The following CFB variants were observed in gnomAD, a reference collection of about 807,000 sequenced individuals.
CFB encodes the protein B-factor, properdin.
Under a neutral mutation model 97.2 loss-of-function variants are expected in CFB, and 59 were observed. That is an observed-to-expected ratio of 0.61 (90% CI 0.49 to 0.75). The LOEUF is 0.75. Ranked by LOEUF, CFB falls within the 30% of genes least tolerant of loss-of-function variation. The pLI is 0.00. For missense variants in CFB, 771 were observed against 959.8 expected, an observed-to-expected ratio of 0.80 and a Z score of 2.60; for synonymous variants, 316 against 351.7, an observed-to-expected ratio of 0.90 and a Z score of 1.14.
chr6:31,950,750 C>A lies in CFB; in HGVS notation c.1756C>A (p.Leu586Met), dbSNP rs1562632366. 1.2e-6 allele frequency: 2 copies of A among 1,612,928 alleles called. No homozygotes were observed. Among genetic ancestry groups the A allele is most frequent in the South Asian group, 1.1e-5 (1 of 91,088 alleles). Residue 586 changes from leucine to methionine, a missense_variant, in exon 13 of 18, where the codon CTG becomes ATG. Coordinates refer to ENST00000425368, the MANE Select transcript of CFB (RefSeq NM_001710.6). ...TGCCCTGATCAAGCTCAAGAATAAG[C>A]TGAAATATGGCCAGACTATCAGGTG... ...DVALIKLKNK[L>M]KYGQTIRPIC...
rs745479913 is a variant in CFB at position 31,946,456 on chromosome 6, C to T, written c.148C>T (p.Arg50Ter). The change falls in exon 2 of 18, where the codon CGA (arginine) becomes TGA (stop). Residue 50 changes from arginine to a stop codon, truncating the protein, a stop_gained. Coordinates refer to ENST00000425368, the MANE Select transcript of CFB (RefSeq NM_001710.6). LOFTEE classifies it high-confidence loss of function. The surrounding 1 kb of genome is among the most constrained non-coding windows in gnomAD (Gnocchi z 6.4). ...GGTAGAGATCAAAGGCGGCTCCTTC[C>T]GACTTCTCCAAGAGGGCCAGGCACT... ...EGVEIKGGSF[R>*]LLQEGQALEY... 12 of 1,612,918 alleles carry T rather than the reference C, an allele frequency of 7.4e-6. No homozygotes were observed. The highest frequency in any genetic ancestry group is 1.6e-4 in the Middle Eastern group (1 of 6,084).
intron 7 of CFB, 21 bp from the exon 8 acceptor site, chr6:31,948,809 T>C: frequency 6.2e-7 from 1 of 1,613,006 alleles, no homozygotes; most frequent in Non-Finnish European, 8.5e-7. Context: ...GGTGAGGTGA[T>C]GGTCTCTTCC....
chr6:31,949,290 C>T lies in CFB; in HGVS notation c.1216C>T (p.Arg406Trp), dbSNP rs768046041. 17 of 1,614,016 alleles carry T rather than the reference C, an allele frequency of 1.1e-5. No homozygotes were observed. The African/African-American group carries it at 1.1e-4, about 10-fold the overall frequency. Residue 406 changes from arginine (R) to tryptophan (W), a missense_variant, in exon 9 of 18, where the codon CGG becomes TGG. Transcript: ENST00000425368. ...CCCAATTACTGTCATTGATGAGATC[C>T]GGGACTTGCTATACATTGGCAAGGA... is the stretch of plus-strand genomic sequence containing the variant. The part of the protein sequence containing the change: ...GDPITVIDEI[R>W]DLLYIGKDRK...
Position 31,946,767 on chromosome 6 carries a change from G to A in CFB, c.298+161G>A. 1.2e-6 allele frequency: 1 copy of A among 819,644 alleles called. No individual in the cohort carries two copies. Among genetic ancestry groups the A allele is most frequent in the East Asian group, 2.6e-5 (1 of 37,788 alleles). The allele number at this position is 819,644 out of a possible 1,614,324, so 50.8% of individuals were successfully genotyped here. A position where few individuals can be genotyped will look rare whatever the true frequency, so the allele number is the denominator to read the frequency against. On this transcript the variant is annotated intron_variant, in intron 2 of 17. Transcript: ENST00000425368. The surrounding 1 kb of genome is among the most constrained non-coding windows in gnomAD (Gnocchi z 6.4). ...CGGAAAGGGGGCAAGAAAAAGCGGA[G>A]TTAACCCTTACTAAGCATTTACCCT...
chr6:31,947,902 G>C lies in CFB; in HGVS notation c.761-43G>C. 1 of 1,614,192 alleles carries C rather than the reference G, an allele frequency of 6.2e-7. No individual in the cohort carries two copies. The highest frequency in any genetic ancestry group is 8.5e-7 in the Non-Finnish European group (1 of 1,180,044). ...ACTGGGGGAAAATGGAGAAGGGACA[G>C]AACTGTTAATGCTGGAGCCTGAGCC... On this transcript the variant is annotated intron_variant, in intron 5 of 17. Coordinates refer to ENST00000425368, the MANE Select transcript of CFB (RefSeq NM_001710.6). The surrounding 1 kb of genome is among the most constrained non-coding windows in gnomAD (Gnocchi z 5.3).
intron 12 of CFB, 77 bp downstream of exon 12, chr6:31,950,480 C>T: frequency 2.6e-6 from 4 of 1,558,908 alleles, no homozygotes; most frequent in Non-Finnish European, 3.5e-6. Flanking sequence ...AGATCCTACA[C>T]TCCACCCATC....
rs763514835 is a variant in CFB, at chr6:31,950,683, G to A, written c.1689G>A (p.Gly563=). ...TTCACCCCAACTACAACATTAATGG[G>A]AAAAAAGAAGCAGGAATTCCTGAAT... ...VLFHPNYNIN[G]KKEAGIPEFY... Residue 563 remains glycine (G), a synonymous_variant, in exon 13 of 18, where the codon GGG becomes GGA. Coordinates refer to ENST00000425368, the MANE Select transcript of CFB (RefSeq NM_001710.6). 1 of 1,612,994 alleles carries A rather than the reference G, an allele frequency of 6.2e-7. No homozygotes were observed.
In CFB at chr6:31,947,972, T is replaced by G; in HGVS notation, c.788T>G (p.Leu263Arg). 1 of 1,614,226 alleles carries G rather than the reference T, an allele frequency of 6.2e-7. No homozygotes were observed. ...GAACAACAGAAGCGGAAGATCGTCC[T>G]GGACCCTTCAGGCTCCATGAACATC... ...PGEQQKRKIV[L>R]DPSGSMNIYL... Residue 263 changes from leucine (L) to arginine (R), a missense_variant, in exon 6 of 18, where the codon CTG becomes CGG. Transcript: ENST00000425368. The surrounding 1 kb of genome is among the most constrained non-coding windows in gnomAD (Gnocchi z 5.3).
In CFB at chr6:31,948,936, C is replaced by T. The variant is rs150920440; in HGVS notation, c.1143C>T (p.Arg381=). Residue 381 remains arginine (R), a synonymous_variant, in exon 8 of 18, where the codon CGC becomes CGT. Coordinates refer to ENST00000425368, the MANE Select transcript of CFB (RefSeq NM_001710.6). The part of the protein sequence containing the change: ...DVPPEGWNRT[R]HVIILMTDGL... ...CTCCTGAAGGCTGGAACCGCACCCG[C>T]CATGTCATCATCCTCATGACTGATG... 1.9e-3 allele frequency: 3,025 copies of T among 1,612,996 alleles called. 14 individuals are homozygous for T. Among genetic ancestry groups the T allele is most frequent in the Middle Eastern group, 0.016 (97 of 6,054 alleles).
Position 31,952,012 on chromosome 6 carries a change from G to A in CFB, c.2277G>A (p.Glu759=). ...GGCTGAAGGAGAAACTCCAAGATGA[G>A]GATTTGGGTTTTCTATAAGGGGTTT... ...LPWLKEKLQD[E]DLGFL Residue 759 remains glutamate (E), a synonymous_variant, in exon 18 of 18, where the codon GAG becomes GAA. Coordinates refer to ENST00000425368, the MANE Select transcript of CFB (RefSeq NM_001710.6). The A allele has an allele frequency of 6.2e-7, 1 of 1,612,982 alleles. No homozygotes were observed. The highest frequency in any genetic ancestry group is 8.5e-7 in the Non-Finnish European group (1 of 1,180,038).
At chr6:31,948,630 C>G in intron 7 of CFB, 118 bp downstream of exon 7, 1 of 1,538,090 alleles carries the variant, frequency 6.5e-7, no homozygotes. Context: ...AAAAGTTGAA[C>G]AGCAGGATCG....
intron 10 of CFB, chr6:31,949,795 C>G: frequency 1.4e-6 from 1 of 693,064 alleles, no homozygotes; most frequent in South Asian, 1.9e-5. Flanking sequence ...AAACAGAAGC[C>G]AAAGGAGGTC....
Position 31,950,142 on chromosome 6 carries a change from G to C in CFB, c.1501G>C (p.Val501Leu). The change falls in exon 11 of 18, where the codon GTC (valine) becomes CTC (leucine). Residue 501 changes from valine to leucine, a missense_variant. Coordinates refer to ENST00000425368, the MANE Select transcript of CFB (RefSeq NM_001710.6). ...GCAACCATGGCAGGCCAAGATCTCAGTCATTGTAAGCACAGAATCCCAGTA... is the reference window on the plus strand; with the variant it reads ...GCAACCATGGCAGGCCAAGATCTCACTCATTGTAAGCACAGAATCCCAGTA... ...HKQPWQAKIS[V>L]IRPSKGHESC... 6.2e-7 allele frequency: 1 copy of C among 1,613,032 alleles called. No homozygotes were observed. The highest frequency in any genetic ancestry group is 8.5e-7 in the Non-Finnish European group (1 of 1,180,012).
In CFB at chr6:31,950,924, C is replaced by T; in HGVS notation, c.1835C>T (p.Thr612Ile). Reference protein sequence around the residue: ...GTTRALRLPPTTTCQQQKEEL... With the variant: ...GTTRALRLPPITTCQQQKEEL... ...ACTCGAGCTTTGAGGCTTCCTCCAA[C>T]TACCACTTGCCAGCAACAAAGTAAG... Residue 612 changes from threonine (T) to isoleucine (I), a missense_variant, in exon 14 of 18, where the codon ACT (threonine) becomes ATT (isoleucine). Physicochemically the swap from Thr to Ile is moderately conservative, Grantham distance 89. Coordinates refer to ENST00000425368, the MANE Select transcript of CFB (RefSeq NM_001710.6). The T allele has an allele frequency of 6.2e-7, 1 of 1,613,026 alleles. No homozygotes were observed. Among genetic ancestry groups the T allele is most frequent in the Non-Finnish European group, 8.5e-7 (1 of 1,180,026 alleles).
At chr6:31,950,836 G>T in intron 13 of CFB, 32 bp from the exon 14 acceptor site, 1 of 1,612,964 alleles carries the variant, frequency 6.2e-7, no homozygotes, top group Non-Finnish European at 8.5e-7. Context: ...TGAGGAGCAG[G>T]CCTGGTTTGC....
Position 31,950,054 on chromosome 6 carries a change from A to G in CFB, c.1413A>G (p.Glu471=). 2 of 1,613,032 alleles carry G rather than the reference A, an allele frequency of 1.2e-6. No homozygotes were observed. Among genetic ancestry groups the G allele is most frequent in the Non-Finnish European group, 1.7e-6 (2 of 1,180,008 alleles). Residue 471 remains glutamate (E), a synonymous_variant, in exon 11 of 18, where the codon GAA becomes GAG. Transcript: ENST00000425368. The stretch of plus-strand genomic sequence containing the variant: ...CACATTCTCCTTCTCTGCCAGATGA[A>G]AGCCAGTCTCTGAGTCTCTGTGGCA... ...LEDVFYQMID[E]SQSLSLCGMV...
In CFB at chr6:31,948,928, C is replaced by G; in HGVS notation, c.1135C>G (p.Arg379Gly). The change falls in exon 8 of 18, where the codon CGC (arginine) becomes GGC (glycine). Residue 379 changes from arginine to glycine, a missense_variant. Coordinates refer to ENST00000425368, the MANE Select transcript of CFB (RefSeq NM_001710.6). Reference sequence around the variant, plus strand: ...TGACGTCCCTCCTGAAGGCTGGAACCGCACCCGCCATGTCATCATCCTCAT... The same window carrying G: ...TGACGTCCCTCCTGAAGGCTGGAACGGCACCCGCCATGTCATCATCCTCAT... Reference protein sequence around the residue: ...PDDVPPEGWNRTRHVIILMTD... With the variant: ...PDDVPPEGWNGTRHVIILMTD... 6.2e-7 allele frequency: 1 copy of G among 1,612,716 alleles called. No individual in the cohort carries two copies. The highest frequency in any genetic ancestry group is 8.5e-7 in the Non-Finnish European group (1 of 1,179,926).
At position 31,947,949 on chromosome 6, in the gene CFB, A is replaced by G; in HGVS notation, c.765A>G (p.Glu255=). Residue 255 remains glutamate (E), a synonymous_variant, in exon 6 of 18, where the codon GAA becomes GAG. Coordinates refer to ENST00000425368, the MANE Select transcript of CFB (RefSeq NM_001710.6). The surrounding 1 kb of genome is among the most constrained non-coding windows in gnomAD (Gnocchi z 5.3). The part of the protein sequence containing the change: ...VDAEDGHGPG[E]QQKRKIVLDP... ...AGCCACTCTCCTGGCACCCAGGGGAACAACAGAAGCGGAAGATCGTCCTGG... is the reference window on the plus strand; with the variant it reads ...AGCCACTCTCCTGGCACCCAGGGGAGCAACAGAAGCGGAAGATCGTCCTGG... 6.2e-7 allele frequency: 1 copy of G among 1,614,248 alleles called. No homozygotes were observed. Among genetic ancestry groups the G allele is most frequent in the South Asian group, 1.1e-5 (1 of 91,084 alleles).
In CFB at chr6:31,951,355, G is replaced by A; in HGVS notation, c.1971G>A (p.Glu657=). 1 of 1,614,202 alleles carries A rather than the reference G, an allele frequency of 6.2e-7. No homozygotes were observed. The highest frequency in any genetic ancestry group is 1.1e-5 in the South Asian group (1 of 91,078). ...CTCCCCTACAGAAAGGCAGCTGTGAGAGAGATGCTCAATATGCCCCAGGCT... is the reference window on the plus strand; with the variant it reads ...CTCCCCTACAGAAAGGCAGCTGTGAAAGAGATGCTCAATATGCCCCAGGCT... ...IKNGDKKGSC[E]RDAQYAPGYD... Residue 657 remains glutamate, a synonymous_variant, in exon 16 of 18, where the codon GAG becomes GAA. Transcript: ENST00000425368. This position sits in a 1 kb window ranked among gnomAD's most constrained non-coding sequence, Gnocchi z 4.3.
Sources: allele counts gnomAD v4.1 joint callset, GRCh38; gene constraint gnomAD v4.1.1; non-coding constraint Gnocchi (gnomAD v3.1); transcripts MANE v1.5; gene names NCBI Gene and HGNC (gene_info 2026-07-23, HGNC 2026-07-21).